The following ZNF106 variants were observed in gnomAD, a reference collection of about 807,000 sequenced individuals.
ZNF106 encodes SH3-domain binding protein 3.
Under a neutral mutation model 195.1 loss-of-function variants are expected in ZNF106, and 67 were observed. The observed-to-expected ratio is 0.34, with a 90% confidence interval of 0.28 to 0.42. The LOEUF is 0.42. Ranked by LOEUF, ZNF106 falls within the 10% of genes least tolerant of loss-of-function variation. The pLI, the probability that ZNF106 is intolerant of heterozygous loss-of-function variation, is 1.00. For missense variants in ZNF106, 2,118 were observed against 2,304.5 expected (o/e 0.92, Z 1.66); for synonymous variants, 784 against 818.6 (o/e 0.96, Z 0.72).
At chr15:42,484,073 T>C (rs538722843) in intron 1 of ZNF106, among the ~76,000 whole-genome samples, 320 of 152,316 alleles carry the variant, frequency 2.1e-3, no homozygotes, top group African/African-American at 7.3e-3. Flanking sequence ...AAACATATCA[T>C]TGTGGAAATT....
At position 42,457,104 on chromosome 15, in the gene ZNF106, T is replaced by A. The variant is rs550695494; in HGVS notation, c.171A>T (p.Ala57=). The A allele has an allele frequency of 1.2e-6, 2 of 1,614,040 alleles. No homozygotes were observed. The highest frequency in any genetic ancestry group is 4.5e-5 in the East Asian group (2 of 44,862). Reference sequence around the variant, plus strand: ...ACTGGCCAGAAATGTGCTTTGCATATGCAGAAAGACCCACTTCTGTGACCC... The same window carrying A: ...ACTGGCCAGAAATGTGCTTTGCATAAGCAGAAAGACCCACTTCTGTGACCC... ...VCGVTEVGLS[A]YAKHISGQLH... is the part of the protein sequence containing the mutation. The change falls in exon 4 of 22, where the codon GCA becomes GCT. Residue 57 remains alanine (A), a synonymous_variant. Transcript: ENST00000564754.
Position 42,466,993 on chromosome 15 carries a change from C to T in ZNF106, c.55-879G>A, listed in dbSNP as rs148213344. ...ACTAAAAATACAAAAATTAGCTGGG[C>T]GTGGCAGTGCGTGCCTATAGTCCCA... On this transcript the variant is annotated intron_variant, in intron 2 of 21. Coordinates refer to ENST00000564754, the MANE Select transcript of ZNF106 (RefSeq NM_001366845.3). 2.4e-3 allele frequency among the ~76,000 whole-genome samples: 361 copies of T among 152,134 alleles called. 3 individuals carry two copies. Among genetic ancestry groups the T allele is most frequent in the African/African-American group, 8.2e-3 (342 of 41,498 alleles).
At position 42,452,025 on chromosome 15, in the gene ZNF106, C is replaced by G. The variant is rs531395995; in HGVS notation, c.318-71G>C. 540 of 1,496,078 alleles carry G rather than the reference C, an allele frequency of 3.6e-4. 1 individual carries two copies. Among genetic ancestry groups the G allele is most frequent in the Middle Eastern group, 1.4e-3 (8 of 5,590 alleles). 92.7% of individuals were successfully genotyped at this position (1,496,078 alleles called of 1,614,324 possible). A position where few individuals can be genotyped will look rare whatever the true frequency, so the allele number is the denominator to read the frequency against. On this transcript the variant is annotated intron_variant, in intron 4 of 21. Transcript: ENST00000564754. ...TGCTACCTTGAAAGGCATAACCCAC[C>G]AAACTTCCCTTGTACTTTCCTCCCG...
intron 1 of ZNF106, among the ~76,000 whole-genome samples, chr15:42,476,650 T>C (rs1247029399): frequency 1.3e-5 from 2 of 152,094 alleles, no homozygotes; most frequent in East Asian, 1.9e-4. Context: ...ATTTTGTATA[T>C]ATATATATAT....
At position 42,442,327 on chromosome 15, in the gene ZNF106, T is replaced by G. The variant is rs2055571966; in HGVS notation, c.3509A>C (p.Asp1170Ala). 6.2e-7 allele frequency: 1 copy of G among 1,614,052 alleles called. No homozygotes were observed. Among genetic ancestry groups the G allele is most frequent in the African/African-American group, 1.3e-5 (1 of 74,924 alleles). ...RRNSRSQTSI[D>A]AALLPTPFFP... ...AAAGGGAGTGGGCAGCAGTGCGGCATCAATGGATGTTTGAGATCTACTGTT... is the reference window on the plus strand; with the variant it reads ...AAAGGGAGTGGGCAGCAGTGCGGCAGCAATGGATGTTTGAGATCTACTGTT... The change falls in exon 10 of 22, where the codon GAT (aspartate) becomes GCT (alanine). Residue 1170 changes from aspartate to alanine, a missense_variant. Physicochemically the swap from Asp to Ala is moderately radical, Grantham distance 126. Coordinates refer to ENST00000564754, the MANE Select transcript of ZNF106 (RefSeq NM_001366845.3).
In ZNF106 at chr15:42,450,974, T is replaced by G. The variant is rs750865639; in HGVS notation, c.1298A>C (p.His433Pro). 3 of 1,614,252 alleles carry G rather than the reference T, an allele frequency of 1.9e-6. No individual in the cohort carries two copies. The East Asian group carries it at 6.7e-5, about 36-fold the overall frequency. The change falls in exon 5 of 22, where the codon CAT becomes CCT. Residue 433 changes from histidine (H) to proline (P), a missense_variant. By Grantham distance (77) the His-to-Pro change is moderately conservative. Coordinates refer to ENST00000564754, the MANE Select transcript of ZNF106 (RefSeq NM_001366845.3). ...GGCCTTGTGATTAAGAGATCCAGTA[T>G]GTATTTCTTTTTGTGTTTTCTGTGT... ...SPTQKTQKEI[H>P]TGSLNHKASS...
rs755711026 is a variant in ZNF106, at chr15:42,451,830, G to A, written c.442C>T (p.Arg148Cys). 21 of 1,614,186 alleles carry A rather than the reference G, an allele frequency of 1.3e-5. No homozygotes were observed. In the South Asian group the frequency reaches 2.0e-4, roughly 15 times the overall value. The change falls in exon 5 of 22, where the codon CGT becomes TGT. Residue 148 changes from arginine (R) to cysteine (C), a missense_variant. Arg to Cys is a radical substitution (Grantham distance 180). Transcript: ENST00000564754. ...TTCCAATCCCGCTGTGGAGGTCCAC[G>A]ATGATGCCATGCAGGCTGACTGTAA... ...ESYSQPAWHH[R>C]GPPQRDWKWE...
intron 19 of ZNF106, among the ~76,000 whole-genome samples, chr15:42,421,634 GATC>G (rs2054661475): frequency 6.6e-6 from 1 of 152,172 alleles, no homozygotes; most frequent in South Asian, 2.1e-4. Context: ...GTTCCATTCA[GATC>G]ATGTCTCTGG....
At chr15:42,449,738 A>AG in intron 5 of ZNF106, 33 bp downstream of exon 5, 1 of 1,565,636 alleles carries the variant, frequency 6.4e-7, no homozygotes, top group Non-Finnish European at 8.6e-7. Flanking sequence ...AAAGAAAGTG[A>AG]GGAAAAAAAA....
intron 9 of ZNF106, among the ~76,000 whole-genome samples, chr15:42,443,056 C>A (rs2141332226): frequency 6.6e-6 from 1 of 152,098 alleles, no homozygotes; most frequent in East Asian, 1.9e-4. Flanking sequence ...TTTGTAGAGA[C>A]AGGGTTTCAC....
intron 15 of ZNF106, among the ~76,000 whole-genome samples, chr15:42,426,356 T>C (rs1038604682): frequency 6.6e-6 from 1 of 151,980 alleles, no homozygotes; most frequent in Non-Finnish European, 1.5e-5. Flanking sequence ...TCTCATCATT[T>C]TGCCTCAAGA....
intron 2 of ZNF106, among the ~76,000 whole-genome samples, chr15:42,469,191 A>G (rs1356965003): frequency 6.6e-6 from 1 of 152,188 alleles, no homozygotes; most frequent in Non-Finnish European, 1.5e-5. Context: ...GTCTAAAAAA[A>G]AAAACTTCTC....
chr15:42,428,176 C>G (rs760911408), intron 14 of ZNF106, 42 bp from the exon 15 acceptor site: 2 of 1,534,476 alleles, frequency 1.3e-6, no homozygotes, highest in Non-Finnish European at 1.8e-6. Context: ...AGGGTACTGG[C>G]AAATGAGATG....
chr15:42,459,978 G>A (rs553370457), intron 3 of ZNF106, among the ~76,000 whole-genome samples: 31 of 152,008 alleles, frequency 2.0e-4, no homozygotes, highest in Middle Eastern at 3.4e-3. Context: ...GGGAGGTGGA[G>A]GTTGCAGTGA....
rs2055856155 is a variant in ZNF106 at position 42,448,491 on chromosome 15, C to T, written c.2716G>A (p.Gly906Ser). The change falls in exon 6 of 22, where the codon GGC (glycine) becomes AGC (serine). Residue 906 changes from glycine to serine, a missense_variant. Transcript: ENST00000564754. ...ATCTGCTGGGGCTCATTTTCTTTGCCTGTACCTTCCTCACTGAAGAAGCTA... is the reference window on the plus strand; with the variant it reads ...ATCTGCTGGGGCTCATTTTCTTTGCTTGTACCTTCCTCACTGAAGAAGCTA... ...VYSFFSEEGT[G>S]KENEPQQMVS... 2 of 1,613,992 alleles carry T rather than the reference C, an allele frequency of 1.2e-6. No individual in the cohort carries two copies. Among genetic ancestry groups the T allele is most frequent in the African/African-American group, 2.7e-5 (2 of 74,904 alleles).
intron 5 of ZNF106, 28 bp from the exon 6 acceptor site, chr15:42,448,733 A>G: frequency 6.4e-7 from 1 of 1,563,222 alleles, no homozygotes; most frequent in Non-Finnish European, 8.6e-7. Context: ...AAATGAAAAC[A>G]TAAATTGGAT....
rs541754719 is a variant in ZNF106 at position 42,465,958 on chromosome 15, C to T, written c.116+95G>A. 1.2e-5 allele frequency: 12 copies of T among 1,008,856 alleles called. No individual in the cohort carries two copies. In the East Asian group the frequency reaches 1.9e-4, roughly 16 times the overall value. 62.5% of individuals were successfully genotyped at this position (1,008,856 alleles called of 1,614,324 possible). A position where few individuals can be genotyped will look rare whatever the true frequency, so the allele number is the denominator to read the frequency against. Reference sequence around the variant, plus strand: ...GTTCTACGCCATAAGACAACATTTGCTTTTGACGGATTACTGCAAAACAAA... The same window carrying T: ...GTTCTACGCCATAAGACAACATTTGTTTTTGACGGATTACTGCAAAACAAA... On this transcript the variant is annotated intron_variant, in intron 3 of 21. Coordinates refer to ENST00000564754, the MANE Select transcript of ZNF106 (RefSeq NM_001366845.3).
At chr15:42,458,241 T>G (rs1936086014) in intron 3 of ZNF106, among the ~76,000 whole-genome samples, 1 of 151,918 alleles carries the variant, frequency 6.6e-6, no homozygotes, top group African/African-American at 2.4e-5. Context: ...GCCGTCTTTG[T>G]CCAGACAGAA....
At chr15:42,467,801 C>G (rs374780107) in intron 2 of ZNF106, among the ~76,000 whole-genome samples, 3 of 152,222 alleles carry the variant, frequency 2.0e-5, no homozygotes, top group African/African-American at 7.2e-5. Context: ...AAGAGTGAGA[C>G]TCTGTCTCAA....
Sources: gnomAD v4.1 joint callset for allele counts (sites outside exome capture counted in the v4.1 genomes callset) on GRCh38, gnomAD v4.1.1 for gene constraint, MANE v1.5 for transcripts, NCBI Gene and HGNC (gene_info 2026-07-23, HGNC 2026-07-21) for gene names.